The following NT5DC4 variants were observed in gnomAD, a reference collection of about 807,000 sequenced individuals.
The protein encoded by NT5DC4 is 5'-nucleotidase domain-containing protein 4.
Under a neutral mutation model 26.6 loss-of-function variants are expected in NT5DC4, and 44 were observed. The ratio of observed to expected loss-of-function variants is 1.65; its 90% CI spans 1.30 to 2.13. The LOEUF (loss-of-function observed/expected upper bound fraction) is 2.13. Ranked by LOEUF, NT5DC4 falls within the 30% of genes most tolerant of loss-of-function variation. The probability of loss-of-function intolerance (pLI) is 0.00; values close to 1 mark genes in which losing one functional copy is unlikely to be tolerated. For synonymous variants in NT5DC4, 157 were observed against 86.7 expected, an observed-to-expected ratio of 1.81 and a Z score of -4.51; for missense variants, 399 against 228.1, an observed-to-expected ratio of 1.75 and a Z score of -4.83.
At chr2:112,726,145 G>A (rs1489270601) in intron 13 of NT5DC4, 93 bp from the exon 14 acceptor site, 2 of 706,834 alleles carry the variant, frequency 2.8e-6, no homozygotes, top group Non-Finnish European at 5.3e-6. Flanking sequence ...GGGTGTGCAA[G>A]TCCTCCGCTG....
At chr2:112,740,224 G>A (rs1022285470), downstream of NT5DC4, among the ~76,000 whole-genome samples, 1 of 152,116 alleles carries the variant, frequency 6.6e-6, no homozygotes, top group Non-Finnish European at 1.5e-5. Flanking sequence ...AGAGAGTTTA[G>A]GATTGGAAGA....
Position 112,723,169 on chromosome 2 carries a change from C to G in NT5DC4, c.616C>G (p.Gln206Glu). The G allele has an allele frequency of 1.4e-6, 1 of 717,338 alleles. No individual in the cohort carries two copies. Among genetic ancestry groups the G allele is most frequent in the South Asian group, 1.5e-5 (1 of 67,594 alleles). The allele number at this position is 717,338 out of a possible 1,614,324, so 44.4% of individuals were successfully genotyped here. ...DVTDAMNNIHQSGCLKKTLED... is the reference protein window; with the variant it reads ...DVTDAMNNIHESGCLKKTLED... Reference sequence around the variant, plus strand: ...GACTGATGCCATGAATAACATCCACCAGTCGGTGAGTGAGTGGTCCAGAAC... The same window carrying G: ...GACTGATGCCATGAATAACATCCACGAGTCGGTGAGTGAGTGGTCCAGAAC... The change falls in exon 7 of 17, where the codon CAG becomes GAG. Residue 206 changes from glutamine to glutamate, a missense_variant. Coordinates refer to ENST00000688554, the MANE Select transcript of NT5DC4 (RefSeq NM_001393655.1).
upstream of NT5DC4, among the ~76,000 whole-genome samples, chr2:112,719,986 C>CTTTCTT (rs1676738061): frequency 1.3e-5 from 1 of 75,272 alleles, no homozygotes; most frequent in Non-Finnish European, 2.8e-5. Flanking sequence ...TTCTTTCTTT[C>CTTTCTT]TTTTTCTTTT....
intron 16 of NT5DC4, chr2:112,731,080 G>A (rs1678431953): frequency 1.3e-5 from 2 of 152,064 alleles, no homozygotes; most frequent in Admixed American, 6.6e-5. Context: ...TTTCTTATAA[G>A]GGTTAGGGCA....
At chr2:112,736,685 T>C (rs1348338383) in intron 16 of NT5DC4, 1 of 152,236 alleles carries the variant, frequency 6.6e-6, no homozygotes, top group African/African-American at 2.4e-5. Flanking sequence ...TGTGAGATCA[T>C]GCAGTATTTT....
At chr2:112,726,864 T>G (rs2138606) in intron 15 of NT5DC4, 126 bp downstream of exon 15, 324,025 of 678,506 alleles carry the variant, frequency 0.48, 79,800 homozygotes, top group Middle Eastern at 0.55. Context: ...CTCCTCAGCC[T>G]CGCCTGGGCT....
At position 112,739,032 on chromosome 2, in the gene NT5DC4, C is replaced by T; in HGVS notation, c.*96C>T. 6.2e-7 allele frequency: 1 copy of T among 1,613,892 alleles called. No individual in the cohort carries two copies. The highest frequency in any genetic ancestry group is 1.1e-5 in the South Asian group (1 of 91,030). ...GTGATAAATTTCATGTCTTGCACTT[C>T]CGGCATCCCATTTATTCTGAGAGAC... On this transcript the variant is annotated 3_prime_UTR_variant, in exon 17 of 17. Coordinates refer to ENST00000688554, the MANE Select transcript of NT5DC4 (RefSeq NM_001393655.1).
At chr2:112,733,226 T>A (rs1162232664) in intron 16 of NT5DC4, among the ~76,000 whole-genome samples, 1 of 148,072 alleles carries the variant, frequency 6.8e-6, no homozygotes, top group South Asian at 2.2e-4. Flanking sequence ...GGGTAGGAGG[T>A]AGGACAGATA....
At position 112,723,125 on chromosome 2, in the gene NT5DC4, G is replaced by A. The variant is rs779879405; in HGVS notation, c.572G>A (p.Arg191Gln). 6 of 717,226 alleles carry A rather than the reference G, an allele frequency of 8.4e-6. No homozygotes were observed. The highest frequency in any genetic ancestry group is 1.5e-5 in the South Asian group (1 of 67,590). 44.4% of individuals were successfully genotyped at this position (717,226 alleles called of 1,614,324 possible). A position where few individuals can be genotyped will look rare whatever the true frequency, so the allele number is the denominator to read the frequency against. ...YQHGNLFMSF[R>Q]SLFQDVTDAM... The stretch of plus-strand genomic sequence containing the variant: ...CATGGGAACCTCTTCATGTCCTTCC[G>A]AAGCCTCTTCCAGGATGTGACTGAT... The change falls in exon 7 of 17, where the codon CGA (arginine) becomes CAA (glutamine). Residue 191 changes from arginine to glutamine, a missense_variant. Coordinates refer to ENST00000688554, the MANE Select transcript of NT5DC4 (RefSeq NM_001393655.1).
At chr2:112,741,025 T>G, downstream of NT5DC4, 1 of 1,539,736 alleles carries the variant, frequency 6.5e-7, no homozygotes, top group Non-Finnish European at 8.9e-7. Context: ...TGTAAGATCA[T>G]GAAGGAAAGT....
chr2:112,724,528 T>C, intron 10 of NT5DC4: 1 of 581,412 alleles, frequency 1.7e-6, no homozygotes, highest in Non-Finnish European at 3.1e-6. Context: ...GTCTCTGTGC[T>C]GTGAGGAGCT....
chr2:112,734,658 T>C (rs550715010), intron 16 of NT5DC4, among the ~76,000 whole-genome samples: 10 of 152,164 alleles, frequency 6.6e-5, no homozygotes, highest in Admixed American at 5.9e-4. Context: ...ACCATGTAGA[T>C]TGTCAGCAGG....
intron 16 of NT5DC4, 78 bp from the exon 17 acceptor site, chr2:112,738,835 G>T: frequency 6.2e-7 from 1 of 1,601,726 alleles, no homozygotes; most frequent in Middle Eastern, 1.7e-4. Flanking sequence ...ATGATTCAGG[G>T]GTTTGAAACC....
At chr2:112,721,631 C>G in intron 1 of NT5DC4, 187 bp from the exon 2 acceptor site, 1 of 717,044 alleles carries the variant, frequency 1.4e-6, no homozygotes, top group Non-Finnish European at 2.6e-6. Context: ...TGCACACTCA[C>G]ACTTGCCTTC....
intron 15 of NT5DC4, 137 bp from the exon 16 acceptor site, chr2:112,729,490 G>A (rs1678205352): frequency 1.1e-5 from 7 of 637,388 alleles, no homozygotes; most frequent in Non-Finnish European, 2.0e-5. Flanking sequence ...GACCTTCCGA[G>A]GTTCCTTCCT....
rs1190972260 is a variant in NT5DC4 at position 112,734,177 on chromosome 2, G to A, written c.1344+4473G>A. On this transcript the variant is annotated intron_variant, in intron 16 of 16. Transcript: ENST00000688554. ...TCTATGCTATTATATATATGTGTGT[G>A]TGTGTGTGTGTGTGTGTGTGTGTGT... 4.3e-4 allele frequency among the ~76,000 whole-genome samples: 65 copies of A among 151,544 alleles called. 1 individual carries two copies. Among genetic ancestry groups the A allele is most frequent in the Non-Finnish European group, 1.8e-4 (12 of 67,884 alleles).
At chr2:112,721,296 C>T (rs1161898323) in intron 1 of NT5DC4, among the ~76,000 whole-genome samples, 143 bp downstream of exon 1, 7 of 152,242 alleles carry the variant, frequency 4.6e-5, no homozygotes. Context: ...ACAAGGGACG[C>T]ACTTCCATAG....
At chr2:112,721,686 C>T (rs770199588) in intron 1 of NT5DC4, 132 bp from the exon 2 acceptor site, 8 of 714,834 alleles carry the variant, frequency 1.1e-5, no homozygotes, top group Non-Finnish European at 1.6e-5. Flanking sequence ...GCCTGACCTG[C>T]TTCCCCTGTG....
chr2:112,739,377 T>A (rs151168935), downstream of NT5DC4, among the ~76,000 whole-genome samples: 2,194 of 152,266 alleles, frequency 0.014, 31 homozygotes, highest in South Asian at 0.035. Context: ...GCTATGATTA[T>A]GCCATTGTAC....
Sources: gnomAD v4.1 joint callset for allele counts (sites outside exome capture counted in the v4.1 genomes callset) on GRCh38, gnomAD v4.1.1 for gene constraint, MANE v1.5 for transcripts, NCBI Gene and HGNC (gene_info 2026-07-23, HGNC 2026-07-21) for gene names.